Variants in ANKRD11 observed in about 807,000 individuals in gnomAD.
ANKRD11 encodes ankyrin repeat domain 11.
A neutral mutation model predicts 195.7 loss-of-function variants in ANKRD11; 17 were observed. The ratio of observed to expected loss-of-function variants is 0.09; its 90% CI spans 0.06 to 0.13. ANKRD11 has a LOEUF of 0.13. Ranked by LOEUF, ANKRD11 falls within the 10% of genes least tolerant of loss-of-function variation. The probability of loss-of-function intolerance (pLI) is 1.00; values close to 1 mark genes in which losing one functional copy is unlikely to be tolerated. For synonymous variants in ANKRD11, 1,953 were observed against 1,528.1 expected (o/e 1.28, Z -6.49); for missense variants, 3,735 against 3,566.1 (o/e 1.05, Z -1.21).
At chr16:89,450,104 A>C (rs889135281) in intron 1 of ANKRD11, among the ~76,000 whole-genome samples, 1 of 152,138 alleles carries the variant, frequency 6.6e-6, no homozygotes, top group African/African-American at 2.4e-5. Flanking sequence ...AATGTGTCAC[A>C]CTCTGCTCCA....
intron 1 of ANKRD11, among the ~76,000 whole-genome samples, chr16:89,442,101 C>T (rs1303514642): frequency 6.6e-6 from 1 of 152,158 alleles, no homozygotes; most frequent in Non-Finnish European, 1.5e-5. Flanking sequence ...AAGGTCTGTG[C>T]ACAGTGAGCA....
chr16:89,431,741 G>C (rs1393671215), intron 1 of ANKRD11, among the ~76,000 whole-genome samples: 1 of 152,118 alleles, frequency 6.6e-6, no homozygotes, highest in Non-Finnish European at 1.5e-5. Flanking sequence ...CTGCCAATCA[G>C]AGTTGAACCC....
At chr16:89,415,553 T>C (rs957723313) in intron 2 of ANKRD11, among the ~76,000 whole-genome samples, 34 of 151,846 alleles carry the variant, frequency 2.2e-4, no homozygotes, top group African/African-American at 8.2e-4. Context: ...TGTGAGCCAC[T>C]GCGCCCGGCA....
chr16:89,424,897 A>G (rs1168509362), intron 1 of ANKRD11, among the ~76,000 whole-genome samples: 2 of 152,190 alleles, frequency 1.3e-5, no homozygotes, highest in Non-Finnish European at 2.9e-5. Flanking sequence ...ACACACACGT[A>G]CAAGTAAACT....
chr16:89,301,095 T>C (rs1478815538), intron 4 of ANKRD11: 4 of 534,466 alleles, frequency 7.5e-6, no homozygotes, highest in African/African-American at 5.8e-5. Context: ...GCTGGTTGAC[T>C]GATTATTTAT....
At chr16:89,395,110 C>G (rs1217786378) in intron 2 of ANKRD11, among the ~76,000 whole-genome samples, 2 of 152,190 alleles carry the variant, frequency 1.3e-5, no homozygotes, top group African/African-American at 4.8e-5. Context: ...AAGCACAGGA[C>G]AAGATGAAAG....
rs79499872 is a variant in ANKRD11 at position 89,285,297 on chromosome 16, G to A, written c.1245C>T (p.Asp415=). 1,359 of 1,613,840 alleles carry A rather than the reference G, an allele frequency of 8.4e-4. 13 individuals carry two copies. In the African/African-American group the frequency reaches 0.015, roughly 18 times the overall value. The change falls in exon 9 of 13, where the codon GAC becomes GAT. Residue 415 remains aspartate (D), a synonymous_variant. Transcript: ENST00000301030. This position sits in a 1 kb window ranked among gnomAD's most constrained non-coding sequence, Gnocchi z 5.6. ...RILSDTSDEE[D]ASVTVGTGEK... ...CTCCTGTCCCCACGGTGACACTCGCGTCCTCCTCGTCCGACGTGTCTGACA... is the reference window on the plus strand; with the variant it reads ...CTCCTGTCCCCACGGTGACACTCGCATCCTCCTCGTCCGACGTGTCTGACA...
At position 89,282,178 on chromosome 16, in the gene ANKRD11, A is replaced by G; in HGVS notation, c.4364T>C (p.Ile1455Thr). 1.2e-6 allele frequency: 2 copies of G among 1,612,940 alleles called. No homozygotes were observed. The highest frequency in any genetic ancestry group is 1.7e-6 in the Non-Finnish European group (2 of 1,179,772). Residue 1455 changes from isoleucine (I) to threonine (T), a missense_variant, in exon 9 of 13, where the codon ATC (isoleucine) becomes ACC (threonine). Coordinates refer to ENST00000301030, the MANE Select transcript of ANKRD11 (RefSeq NM_013275.6). ...CTCTCTCTTCTTCTTCTCTTTTAGGATGTTGATGGCACTAGATCCATAAGG... is the reference window on the plus strand; with the variant it reads ...CTCTCTCTTCTTCTTCTCTTTTAGGGTGTTGATGGCACTAGATCCATAAGG... ...LKPYGSSAINILKEKKKREKH... is the reference protein window; with the variant it reads ...LKPYGSSAINTLKEKKKREKH...
At chr16:89,459,933 C>CA (rs140421320) in intron 1 of ANKRD11, among the ~76,000 whole-genome samples, 2,752 of 135,570 alleles carry the variant, frequency 0.02, 79 homozygotes, top group African/African-American at 0.071. Flanking sequence ...ACCCTGTATC[C>CA]AAAAAAAAAG....
Position 89,470,864 on chromosome 16 carries a change from A to G in ANKRD11, c.-145+19381T>C, listed in dbSNP as rs182781033. ...AAAAATTAGCTGGGCACGGTGGCGG[A>G]CATTTGTAGTCCCAGTTACTCGGGA... On this transcript the variant is annotated intron_variant, in intron 1 of 12. Coordinates refer to ENST00000301030, the MANE Select transcript of ANKRD11 (RefSeq NM_013275.6). 1.5e-3 allele frequency among the ~76,000 whole-genome samples: 224 copies of G among 152,180 alleles called. 4 individuals carry two copies. The highest frequency in any genetic ancestry group is 0.015 in the Admixed American group (223 of 15,280).
In ANKRD11 at chr16:89,380,411, C is replaced by T. The variant is rs151143932; in HGVS notation, c.-60+37873G>A. Among the ~76,000 whole-genome samples, 5 of 152,194 alleles carry T rather than the reference C, an allele frequency of 3.3e-5. No individual in the cohort carries two copies. In the East Asian group the frequency reaches 9.6e-4, roughly 29 times the overall value. ...ACAGGTGTGAGCCACTGTGCCCAGCCCAATGATGCCATTTTAACTCCTTTT... is the reference window on the plus strand; with the variant it reads ...ACAGGTGTGAGCCACTGTGCCCAGCTCAATGATGCCATTTTAACTCCTTTT... On this transcript the variant is annotated intron_variant, in intron 2 of 12. Transcript: ENST00000301030.
At chr16:89,275,912 G>A (rs1056804057) in intron 9 of ANKRD11, among the ~76,000 whole-genome samples, 4 of 152,196 alleles carry the variant, frequency 2.6e-5, no homozygotes, top group African/African-American at 9.7e-5. Flanking sequence ...GCCAGGCTGA[G>A]CCCCGCAGTG....
At chr16:89,273,260 G>T (rs1178871027) in intron 11 of ANKRD11, among the ~76,000 whole-genome samples, 1 of 152,142 alleles carries the variant, frequency 6.6e-6, no homozygotes, top group Non-Finnish European at 1.5e-5. Context: ...AGGTGTTAGA[G>T]GCACGAGCTG....
intron 1 of ANKRD11, among the ~76,000 whole-genome samples, chr16:89,482,399 A>T (rs1231966189): frequency 6.6e-6 from 1 of 152,196 alleles, no homozygotes; most frequent in Non-Finnish European, 1.5e-5. Context: ...AACGCTGAGA[A>T]ATGGTTGCAG....
intron 1 of ANKRD11, among the ~76,000 whole-genome samples, chr16:89,419,742 A>ACACTC (rs2042437443): frequency 6.6e-6 from 1 of 152,182 alleles, no homozygotes; most frequent in Non-Finnish European, 1.5e-5. Flanking sequence ...TTCCTGAGCA[A>ACACTC]CACTCCTGGC....
chr16:89,295,276 G>C (rs1490129746), intron 4 of ANKRD11, among the ~76,000 whole-genome samples: 1 of 152,232 alleles, frequency 6.6e-6, no homozygotes, highest in Non-Finnish European at 1.5e-5. Flanking sequence ...GGTCCAGGGA[G>C]AGCGGTGGAG....
chr16:89,281,430 G>C lies in ANKRD11; in HGVS notation c.5112C>G (p.Pro1704=). 6.2e-7 allele frequency: 1 copy of C among 1,612,948 alleles called. No individual in the cohort carries two copies. The highest frequency in any genetic ancestry group is 1.1e-5 in the South Asian group (1 of 91,040). The change falls in exon 9 of 13, where the codon CCC becomes CCG. Residue 1704 remains proline, a synonymous_variant. Coordinates refer to ENST00000301030, the MANE Select transcript of ANKRD11 (RefSeq NM_013275.6). The surrounding 1 kb of genome is among the most constrained non-coding windows in gnomAD (Gnocchi z 5.5). ...GGCAGGATAGCACCGACGTAGGGGT[G>C]GGCACGCCAGTGGGCCGGCTCTGGT... is the stretch of plus-strand genomic sequence containing the variant. ...RPDQSRPTGV[P]TPTSVLSCPS... is the part of the protein sequence containing the mutation.
chr16:89,315,353 C>T (rs1467853789), intron 3 of ANKRD11, among the ~76,000 whole-genome samples: 1 of 152,252 alleles, frequency 6.6e-6, no homozygotes, highest in Non-Finnish European at 1.5e-5. Context: ...GCTATCCCAA[C>T]ACTCTGACTG....
intron 11 of ANKRD11, chr16:89,271,135 C>A: frequency 1.7e-6 from 1 of 590,040 alleles, no homozygotes. Flanking sequence ...GGGCCTTTGT[C>A]TCCTGGGCAC....
Sources: gnomAD v4.1 joint callset for allele counts (sites outside exome capture counted in the v4.1 genomes callset) on GRCh38, gnomAD v4.1.1 for gene constraint, Gnocchi (gnomAD v3.1) non-coding constraint, MANE v1.5 for transcripts, NCBI Gene and HGNC (gene_info 2026-07-23, HGNC 2026-07-21) for gene names.